LYG1: variants seen among roughly 807,000 people sequenced by gnomAD.
The protein encoded by LYG1 is lysozyme g-like protein 1.
Under a neutral mutation model 21.7 loss-of-function variants are expected in LYG1, and 17 were observed. The ratio of observed to expected loss-of-function variants is 0.78; its 90% CI spans 0.54 to 1.18. LYG1 has a LOEUF of 1.18. Among genes scored for constraint, LYG1 ranks in the 50% most tolerant of loss-of-function variants. LYG1 has a pLI of 0.00. For synonymous variants in LYG1, 81 were observed against 87.4 expected, an observed-to-expected ratio of 0.93 and a Z score of 0.41; for missense variants, 211 against 238.1, an observed-to-expected ratio of 0.89 and a Z score of 0.75.
intron 3 of LYG1, 149 bp downstream of exon 3, chr2:99,295,479 G>A: frequency 1.1e-6 from 1 of 934,274 alleles, no homozygotes; most frequent in Non-Finnish European, 1.7e-6. Flanking sequence ...GCTGATTGTT[G>A]GTGGCTGTTC....
At chr2:99,284,959 T>C in intron 5 of LYG1, 139 bp from the exon 6 acceptor site, 1 of 1,193,584 alleles carries the variant, frequency 8.4e-7, no homozygotes, top group Non-Finnish European at 1.2e-6. Flanking sequence ...ACCGTCAGTC[T>C]CCTGTGAGGT....
chr2:99,295,723 T>A (rs1431435927), intron 2 of LYG1, 21 bp from the exon 3 acceptor site: 1 of 1,607,354 alleles, frequency 6.2e-7, no homozygotes, highest in Non-Finnish European at 8.5e-7. Context: ...AAAAATTAGC[T>A]TGAGAATACA....
chr2:99,285,017 C>G (rs899464936), intron 5 of LYG1, among the ~76,000 whole-genome samples, 197 bp from the exon 6 acceptor site: 1 of 152,144 alleles, frequency 6.6e-6, no homozygotes, highest in Non-Finnish European at 1.5e-5. Flanking sequence ...ACAAATTTGC[C>G]AGACAGGTGG....
At chr2:99,303,856 CAA>C (rs140031362), upstream of LYG1, among the ~76,000 whole-genome samples, 360 of 151,174 alleles carry the variant, frequency 2.4e-3, 11 homozygotes, top group East Asian at 0.065. Context: ...GAATAAGTCT[CAA>C]GAGATCTGAT....
At chr2:99,284,930 CT>C in intron 5 of LYG1, 110 bp from the exon 6 acceptor site, 1 of 1,411,580 alleles carries the variant, frequency 7.1e-7, no homozygotes, top group Non-Finnish European at 9.6e-7. Context: ...CTCCTTTCAC[CT>C]TTGATGGAAC....
intron 1 of LYG1, among the ~76,000 whole-genome samples, chr2:99,300,081 C>CT (rs11355267): frequency 5.3e-4 from 79 of 149,230 alleles, no homozygotes; most frequent in African/African-American, 1.0e-3. Flanking sequence ...CCACTAAGAT[C>CT]TTTTTTTTTT....
intron 5 of LYG1, 63 bp from the exon 6 acceptor site, chr2:99,284,883 G>C: frequency 6.3e-7 from 1 of 1,579,798 alleles, no homozygotes; most frequent in Non-Finnish European, 8.6e-7. Context: ...CCGGCTTACT[G>C]GGCTCAATGG....
chr2:99,294,958 C>T (rs1019918435), intron 3 of LYG1, among the ~76,000 whole-genome samples: 27 of 152,154 alleles, frequency 1.8e-4, no homozygotes, highest in African/African-American at 5.8e-4. Context: ...AAAAATTAGC[C>T]GGGTGTAGTG....
At chr2:99,297,751 G>A (rs2094141118) in intron 2 of LYG1, among the ~76,000 whole-genome samples, 1 of 152,112 alleles carries the variant, frequency 6.6e-6, no homozygotes, top group East Asian at 1.9e-4. Context: ...GTTTTACTCT[G>A]TCACCCAGGC....
Position 99,291,241 on chromosome 2 carries a change from A to C in LYG1, c.329T>G (p.Val110Gly). 2 of 1,613,914 alleles carry C rather than the reference A, an allele frequency of 1.2e-6. No individual in the cohort carries two copies. The highest frequency in any genetic ancestry group is 1.7e-6 in the Non-Finnish European group (2 of 1,179,904). ...LVNMGDRTSM[V>G]QDPGSQAPTS... Reference sequence around the variant, plus strand: ...TGTCAACGGATGAAGAGTTACCTGCACCATGCTAGTCCTATCGCCCATGTT... The same window carrying C: ...TGTCAACGGATGAAGAGTTACCTGCCCCATGCTAGTCCTATCGCCCATGTT... The change falls in exon 5 of 7, where the codon GTG becomes GGG. Residue 110 changes from valine to glycine, a missense_variant. By Grantham distance (109) the Val-to-Gly change is moderately radical. Coordinates refer to ENST00000308528, the MANE Select transcript of LYG1 (RefSeq NM_174898.3).
chr2:99,302,278 C>T (rs149411658), upstream of LYG1, among the ~76,000 whole-genome samples: 638 of 152,308 alleles, frequency 4.2e-3, 2 homozygotes, highest in Middle Eastern at 0.027. Context: ...AGCTCCCTCC[C>T]CATACCACAA....
chr2:99,302,260 C>G (rs1216011988), upstream of LYG1, among the ~76,000 whole-genome samples: 2 of 152,164 alleles, frequency 1.3e-5, no homozygotes, highest in African/African-American at 2.4e-5. Context: ...TTCTGCATCC[C>G]CTGCCTTAGC....
rs1324685244 is a variant in LYG1, at chr2:99,295,539, T to C, written c.43+89A>G. 9.6e-6 allele frequency: 14 copies of C among 1,462,888 alleles called. No homozygotes were observed. In the East Asian group the frequency reaches 1.8e-4, roughly 19 times the overall value. 90.6% of individuals were successfully genotyped at this position (1,462,888 alleles called of 1,614,324 possible). A position where few individuals can be genotyped will look rare whatever the true frequency, so the allele number is the denominator to read the frequency against. On this transcript the variant is annotated intron_variant, in intron 3 of 6. Coordinates refer to ENST00000308528, the MANE Select transcript of LYG1 (RefSeq NM_174898.3). ...TTTAGGGAAAAAATAATCTTTTTTG[T>C]TGCATTTTCAAGTATTAGAAGTGCC... is the stretch of plus-strand genomic sequence containing the variant.
At chr2:99,287,687 A>G (rs942584125) in intron 5 of LYG1, among the ~76,000 whole-genome samples, 2 of 151,942 alleles carry the variant, frequency 1.3e-5, no homozygotes, top group Non-Finnish European at 2.9e-5. Context: ...CTTTAACCTA[A>G]GAGTTACTTA....
At chr2:99,301,476 GGAAGGAAGAAAGAAAAGGAA>G (rs554610804), upstream of LYG1, among the ~76,000 whole-genome samples, 1,323 of 73,200 alleles carry the variant, frequency 0.018, 8 homozygotes, top group Middle Eastern at 0.069. Flanking sequence ...AGGGAGGAAG[GGAAGGAAGAAAGAAAAGGAA>G]GAAGGAAGGA....
intron 1 of LYG1, among the ~76,000 whole-genome samples, chr2:99,299,948 A>G (rs2094149489): frequency 6.6e-6 from 1 of 151,928 alleles, no homozygotes; most frequent in Non-Finnish European, 1.5e-5. Flanking sequence ...GTACACACAC[A>G]CACATGCACG....
At chr2:99,293,445 G>A (rs1050825707) in intron 3 of LYG1, among the ~76,000 whole-genome samples, 8 of 152,174 alleles carry the variant, frequency 5.3e-5, no homozygotes, top group East Asian at 1.9e-4. Flanking sequence ...GGCACTGCTC[G>A]TAAATGAGGA....
chr2:99,285,340 C>CA (rs2094095778), intron 5 of LYG1, among the ~76,000 whole-genome samples: 2 of 151,418 alleles, frequency 1.3e-5, no homozygotes, highest in African/African-American at 4.9e-5. Flanking sequence ...ATGATTGCAC[C>CA]ACTGCATTCC....
At position 99,284,453 on chromosome 2, in the gene LYG1, G is replaced by T. The variant is rs886740467; in HGVS notation, c.525C>A (p.Ser175Arg). 1.9e-6 allele frequency: 3 copies of T among 1,614,056 alleles called. No individual in the cohort carries two copies. The African/African-American group carries it at 4.0e-5, about 22-fold the overall frequency. The change falls in exon 7 of 7, where the codon AGC becomes AGA. Residue 175 changes from serine (S) to arginine (R), a missense_variant. By Grantham distance (110) the Ser-to-Arg change is moderately radical. Coordinates refer to ENST00000308528, the MANE Select transcript of LYG1 (RefSeq NM_174898.3). ...CAAGGACATCATTGCAGAAGTCACA[G>T]CTCAGGTCCTGGCTGCTTCGGACAT... The part of the protein sequence containing the change: ...AGYVRSSQDL[S>R]CDFCNDVLAR...
Sources: allele counts gnomAD v4.1 joint callset (sites outside exome capture counted in the v4.1 genomes callset), GRCh38; gene constraint gnomAD v4.1.1; transcripts MANE v1.5; gene names NCBI Gene and HGNC (gene_info 2026-07-23, HGNC 2026-07-21).